CCL28: variants seen among roughly 807,000 people sequenced by gnomAD.
The protein encoded by CCL28 is C-C motif chemokine 28.
A neutral mutation model predicts 7.1 loss-of-function variants in CCL28; 4 were observed. That is an observed-to-expected ratio of 0.56 (90% CI 0.28 to 1.29). The LOEUF (loss-of-function observed/expected upper bound fraction) is 1.29, where lower values mean the gene tolerates loss of function less well. CCL28 is among the 50% of genes most tolerant of loss of function. The probability of loss-of-function intolerance (pLI) is 0.11; values close to 1 mark genes in which losing one functional copy is unlikely to be tolerated. For missense variants in CCL28, 151 were observed against 163.4 expected (o/e 0.92, Z 0.41); for synonymous variants, 55 against 57.8 (o/e 0.95, Z 0.22).
chr5:43,403,820 C>A lies in CCL28; in HGVS notation c.64+8433G>T, dbSNP rs183565908. Among the ~76,000 whole-genome samples, 399 of 152,234 alleles carry A rather than the reference C, an allele frequency of 2.6e-3. 2 individuals are homozygous for A. The highest frequency in any genetic ancestry group is 9.1e-3 in the African/African-American group (380 of 41,550). ...CAATGCAGAGAAGTCCTTAAAGGAC[C>A]TGATGGAGCTGAAAACCACAGCACG... is the stretch of plus-strand genomic sequence containing the variant. On this transcript the variant is annotated intron_variant, in intron 1 of 2. Transcript: ENST00000361115.
downstream of CCL28, among the ~76,000 whole-genome samples, chr5:43,374,742 C>T (rs531905716): frequency 6.7e-6 from 1 of 148,530 alleles, no homozygotes; most frequent in African/African-American, 2.5e-5. Flanking sequence ...GATCGAGCCA[C>T]TGCAATCCAG....
At chr5:43,395,892 C>T (rs187461381) in intron 1 of CCL28, among the ~76,000 whole-genome samples, 246 of 115,324 alleles carry the variant, frequency 2.1e-3, no homozygotes, top group African/African-American at 7.6e-3. Context: ...GACGGAGTAT[C>T]GCTCTGTATC....
chr5:43,386,756 C>A (rs1393162459), intron 2 of CCL28, among the ~76,000 whole-genome samples: 1 of 152,216 alleles, frequency 6.6e-6, no homozygotes, highest in Non-Finnish European at 1.5e-5. Context: ...GAACGCTTAT[C>A]TTGGAGCAGT....
chr5:43,369,910 T>A, the CCL28 span, among the ~76,000 whole-genome samples: 8 of 152,096 alleles, frequency 5.3e-5, no homozygotes, highest in African/African-American at 1.9e-4. Context: ...TGAGTCACCA[T>A]GAAAAAAGTT....
chr5:43,398,828 C>T (rs530567907), intron 1 of CCL28, among the ~76,000 whole-genome samples: 80 of 149,892 alleles, frequency 5.3e-4, no homozygotes, highest in Non-Finnish European at 8.9e-5. Flanking sequence ...CCAGCCTGGG[C>T]GACAGAGAGG....
At chr5:43,373,468 T>C (rs1739828353), downstream of CCL28, among the ~76,000 whole-genome samples, 1 of 151,840 alleles carries the variant, frequency 6.6e-6, no homozygotes, top group Admixed American at 6.6e-5. Flanking sequence ...GCCCGGCTAA[T>C]TTTGTATTTT....
chr5:43,399,844 C>A (rs1474781529), intron 1 of CCL28, among the ~76,000 whole-genome samples: 8 of 147,798 alleles, frequency 5.4e-5, no homozygotes, highest in African/African-American at 2.0e-4. Flanking sequence ...GGTGTTATTT[C>A]TTTTCTTTTT....
At chr5:43,364,333 G>A in the CCL28 span, among the ~76,000 whole-genome samples, 4 of 151,716 alleles carry the variant, frequency 2.6e-5, no homozygotes, top group Non-Finnish European at 5.9e-5. Flanking sequence ...ACATGTACAT[G>A]TGTGTGTATG....
At position 43,403,461 on chromosome 5, in the gene CCL28, A is replaced by G. The variant is rs528652434; in HGVS notation, c.64+8792T>C. On this transcript the variant is annotated intron_variant, in intron 1 of 2. Transcript: ENST00000361115. ...TGCAGCTGAGGGTCCTGACTGTCAG[A>G]AGGAAAACTAACAAACAGAAAGGAC... Among the ~76,000 whole-genome samples the G allele has an allele frequency of 2.0e-5, 3 of 152,316 alleles. No homozygotes were observed. In the South Asian group the frequency reaches 6.2e-4, roughly 32 times the overall value.
the CCL28 span, among the ~76,000 whole-genome samples, chr5:43,367,619 A>C: frequency 1.3e-5 from 2 of 151,336 alleles, no homozygotes; most frequent in Non-Finnish European, 2.9e-5. Flanking sequence ...GAAATGCAGA[A>C]ATCACCTGCC....
chr5:43,387,404 G>A (rs921088560), intron 2 of CCL28, among the ~76,000 whole-genome samples: 1 of 152,204 alleles, frequency 6.6e-6, no homozygotes, highest in Non-Finnish European at 1.5e-5. Context: ...CAGTTCAGAT[G>A]TTAGAGCCTC....
intron 1 of CCL28, among the ~76,000 whole-genome samples, chr5:43,406,884 A>T (rs2111900846): frequency 6.6e-6 from 1 of 152,348 alleles, no homozygotes; most frequent in East Asian, 1.9e-4. Flanking sequence ...GTGAACTCCC[A>T]TTCACAATTG....
intron 1 of CCL28, among the ~76,000 whole-genome samples, chr5:43,392,885 C>A (rs1740634158): frequency 6.6e-6 from 1 of 152,090 alleles, no homozygotes; most frequent in African/African-American, 2.4e-5. Flanking sequence ...AAAATATTTT[C>A]TCCCCCTTGG....
At chr5:43,364,553 A>G in the CCL28 span, among the ~76,000 whole-genome samples, 1 of 152,152 alleles carries the variant, frequency 6.6e-6, no homozygotes, top group African/African-American at 2.4e-5. Context: ...TGGCAGCCTT[A>G]TGGTATATTA....
chr5:43,364,749 G>A, the CCL28 span, among the ~76,000 whole-genome samples: 2 of 152,032 alleles, frequency 1.3e-5, no homozygotes. Context: ...CCTGTATTGG[G>A]TGCATATATA....
downstream of CCL28, among the ~76,000 whole-genome samples, chr5:43,374,872 A>G (rs921806933): frequency 1.3e-5 from 2 of 152,076 alleles, no homozygotes; most frequent in African/African-American, 4.8e-5. Context: ...TCTCTAGTTA[A>G]GCTTCAAAGA....
chr5:43,378,716 A>G (rs1459544603), downstream of CCL28, among the ~76,000 whole-genome samples: 2 of 152,150 alleles, frequency 1.3e-5, no homozygotes, highest in Non-Finnish European at 2.9e-5. Flanking sequence ...TTATCCCAGT[A>G]CTTTGGGAGG....
chr5:43,396,271 A>G (rs1321801812), intron 1 of CCL28, among the ~76,000 whole-genome samples: 2 of 152,154 alleles, frequency 1.3e-5, no homozygotes, highest in Non-Finnish European at 2.9e-5. Context: ...GAGGGCGACC[A>G]GAGGTTACCC....
At chr5:43,382,501 A>G (rs988365475) in intron 2 of CCL28, among the ~76,000 whole-genome samples, 4 of 152,208 alleles carry the variant, frequency 2.6e-5, no homozygotes, top group African/African-American at 4.8e-5. Flanking sequence ...AGATTCTCTC[A>G]GCTAGATGCC....
Sources: allele counts gnomAD v4.1 joint callset (sites outside exome capture counted in the v4.1 genomes callset), GRCh38; gene constraint gnomAD v4.1.1; transcripts MANE v1.5; gene names NCBI Gene and HGNC (gene_info 2026-07-23, HGNC 2026-07-21).